IFT88: variants seen among roughly 807,000 people sequenced by gnomAD.
IFT88 encodes intraflagellar transport 88.
Under a neutral mutation model 119.5 loss-of-function variants are expected in IFT88, and 74 were observed. The ratio of observed to expected loss-of-function variants is 0.62; its 90% CI spans 0.51 to 0.75. IFT88 has a LOEUF of 0.75. Ranked by LOEUF, IFT88 falls within the 30% of genes least tolerant of loss-of-function variation. The pLI is 0.00. For missense variants in IFT88, 961 were observed against 977.7 expected (o/e 0.98, Z 0.23); for synonymous variants, 279 against 316.7 (o/e 0.88, Z 1.26).
intron 22 of IFT88, 105 bp downstream of exon 22, chr13:20,656,535 C>G (rs938720700): frequency 2.2e-4 from 97 of 432,434 alleles, no homozygotes; most frequent in Non-Finnish European, 3.7e-4. Flanking sequence ...AAATACCAAC[C>G]TATAATTTGT....
At chr13:20,590,296 G>C (rs1413545223) in intron 4 of IFT88, among the ~76,000 whole-genome samples, 1 of 152,072 alleles carries the variant, frequency 6.6e-6, no homozygotes, top group Non-Finnish European at 1.5e-5. Flanking sequence ...GAAGCCTTTG[G>C]AGGAAAGATA....
chr13:20,575,608 C>G (rs960850965), intron 2 of IFT88, among the ~76,000 whole-genome samples: 2 of 152,162 alleles, frequency 1.3e-5, no homozygotes, highest in Non-Finnish European at 2.9e-5. Flanking sequence ...TGTGATGTGA[C>G]TGCTCCCATT....
At chr13:20,597,683 G>A (rs1310363136) in intron 9 of IFT88, among the ~76,000 whole-genome samples, 5 of 151,508 alleles carry the variant, frequency 3.3e-5, no homozygotes, top group Non-Finnish European at 7.4e-5. Flanking sequence ...GGCGGAGCTT[G>A]CGGCGAGCCA....
intron 24 of IFT88, among the ~76,000 whole-genome samples, chr13:20,676,394 A>C (rs2056659016): frequency 6.6e-6 from 1 of 152,226 alleles, no homozygotes; most frequent in Non-Finnish European, 1.5e-5. Context: ...ACTCCTGATA[A>C]GGGCAAGCAT....
At chr13:20,605,828 C>G (rs1404839977) in intron 13 of IFT88, among the ~76,000 whole-genome samples, 1 of 152,126 alleles carries the variant, frequency 6.6e-6, no homozygotes, top group Non-Finnish European at 1.5e-5. Context: ...TTTGTACTTA[C>G]CACGTTATTA....
rs183671552 is a variant in IFT88, at chr13:20,667,309, G to A, written c.2176-3664G>A. On this transcript the variant is annotated intron_variant, in intron 23 of 25. Transcript: ENST00000351808. ...TCATATACCATATGATGAGAATGTC[G>A]TCTTCACTATGTTTACAAGTGTTTA... Among the ~76,000 whole-genome samples, 28 of 152,226 alleles carry A rather than the reference G, an allele frequency of 1.8e-4. No homozygotes were observed. The East Asian group carries it at 4.3e-3, about 23-fold the overall frequency.
rs775388814 is a variant in IFT88 at position 20,653,974 on chromosome 13, C to T, written c.2002+46C>T. The T allele has an allele frequency of 1.6e-5, 19 of 1,152,554 alleles. No homozygotes were observed. The South Asian group carries it at 2.3e-4, about 14-fold the overall frequency. 71.4% of individuals were successfully genotyped at this position (1,152,554 alleles called of 1,614,324 possible). On this transcript the variant is annotated intron_variant, in intron 21 of 25. Transcript: ENST00000351808. Reference sequence around the variant, plus strand: ...CATTTTATAGATATTTTGCTTCTTTCCTTTTAGGTAATTATGCATATAAAT... The same window carrying T: ...CATTTTATAGATATTTTGCTTCTTTTCTTTTAGGTAATTATGCATATAAAT...
At chr13:20,668,667 G>A (rs74036420) in intron 23 of IFT88, among the ~76,000 whole-genome samples, 6,519 of 152,222 alleles carry the variant, frequency 0.043, 184 homozygotes, top group Middle Eastern at 0.075. Context: ...GGTAGAGTCG[G>A]ACCCTGAGCA....
intron 23 of IFT88, among the ~76,000 whole-genome samples, chr13:20,670,279 A>C (rs2055568346): frequency 6.6e-6 from 1 of 152,176 alleles, no homozygotes; most frequent in Non-Finnish European, 1.5e-5. Flanking sequence ...ACCATTATAC[A>C]TATGAAAATT....
At chr13:20,631,674 G>C (rs1245006878) in intron 16 of IFT88, 1 of 152,476 alleles carries the variant, frequency 6.6e-6, no homozygotes, top group African/African-American at 2.4e-5. Flanking sequence ...AGGACTTTCA[G>C]GAAAGATTTC....
chr13:20,689,933 T>C (rs965683713), intron 24 of IFT88, among the ~76,000 whole-genome samples: 1 of 152,292 alleles, frequency 6.6e-6, no homozygotes, highest in Admixed American at 6.5e-5. Context: ...TGTAGACATA[T>C]TCAGTACACT....
intron 7 of IFT88, among the ~76,000 whole-genome samples, chr13:20,594,015 C>T (rs1481676887): frequency 6.6e-6 from 1 of 151,190 alleles, no homozygotes; most frequent in Non-Finnish European, 1.5e-5. Context: ...CATACCACTG[C>T]ACCACAGCCT....
At chr13:20,629,815 A>G (rs2047920365) in intron 15 of IFT88, among the ~76,000 whole-genome samples, 1 of 152,214 alleles carries the variant, frequency 6.6e-6, no homozygotes, top group African/African-American at 2.4e-5. Context: ...AGGAGGCACC[A>G]AGAGTCAAGC....
At chr13:20,648,966 C>G (rs1434612450) in intron 20 of IFT88, among the ~76,000 whole-genome samples, 1 of 152,098 alleles carries the variant, frequency 6.6e-6, no homozygotes, top group Non-Finnish European at 1.5e-5. Flanking sequence ...AGGTTCGTTA[C>G]TGCAAGAATG....
intron 2 of IFT88, among the ~76,000 whole-genome samples, chr13:20,576,768 C>T (rs1451425585): frequency 6.6e-6 from 1 of 152,128 alleles, no homozygotes; most frequent in Non-Finnish European, 1.5e-5. Context: ...GTTACTATAG[C>T]TCTATAGTGT....
intron 20 of IFT88, among the ~76,000 whole-genome samples, chr13:20,652,016 G>A (rs529268525): frequency 2.6e-5 from 4 of 152,276 alleles, no homozygotes; most frequent in South Asian, 4.2e-4. Flanking sequence ...TCTAAAATGG[G>A]CAAATTTGTA....
chr13:20,572,465 C>T (rs1401124381), intron 1 of IFT88, among the ~76,000 whole-genome samples: 6 of 152,128 alleles, frequency 3.9e-5, no homozygotes, highest in Admixed American at 6.5e-5. Flanking sequence ...GTAATCCACC[C>T]GTCTTGGCCC....
At chr13:20,601,208 A>G (rs934610427) in intron 11 of IFT88, among the ~76,000 whole-genome samples, 4 of 152,160 alleles carry the variant, frequency 2.6e-5, no homozygotes, top group Admixed American at 2.0e-4. Context: ...TCTACTAAAC[A>G]TACAAAAATT....
Position 20,663,454 on chromosome 13 carries a change from T to C in IFT88, c.2069-44T>C, listed in dbSNP as rs1181610165. The C allele has an allele frequency of 4.4e-6, 7 of 1,600,610 alleles. No individual in the cohort carries two copies. The South Asian group carries it at 5.6e-5, about 13-fold the overall frequency. On this transcript the variant is annotated intron_variant, in intron 22 of 25. Transcript: ENST00000351808. ...TGATTTATTGAGCTTTTAACAAATA[T>C]ACTGTGCCTATATTCTTTCCTAAAT...
Sources: allele counts gnomAD v4.1 joint callset (sites outside exome capture counted in the v4.1 genomes callset), GRCh38; gene constraint gnomAD v4.1.1; transcripts MANE v1.5; gene names NCBI Gene and HGNC (gene_info 2026-07-23, HGNC 2026-07-21).